ATL2: variants seen among roughly 807,000 people sequenced by gnomAD.
ATL2 encodes atlastin GTPase 2, also known as atlastin-2.
Under a neutral mutation model 73.9 loss-of-function variants are expected in ATL2, and 31 were observed. The observed-to-expected ratio is 0.42, with a 90% CI of 0.32 to 0.57. The LOEUF (loss-of-function observed/expected upper bound fraction) is 0.57. Among genes scored for constraint, ATL2 ranks in the 20% least tolerant of loss-of-function variants. ATL2 has a pLI of 0.14. For synonymous variants in ATL2, 291 were observed against 237.5 expected, an observed-to-expected ratio of 1.23 and a Z score of -2.07; for missense variants, 738 against 702.6, an observed-to-expected ratio of 1.05 and a Z score of -0.57.
chr2:38,370,827 G>GC (rs1297406931), intron 1 of ATL2, among the ~76,000 whole-genome samples: 2 of 151,734 alleles, frequency 1.3e-5, no homozygotes, highest in Admixed American at 1.3e-4. Flanking sequence ...GGTAGTGCAA[G>GC]CCTGTAGACC....
chr2:38,304,744 T>C (rs145240395), intron 9 of ATL2, among the ~76,000 whole-genome samples: 1 of 152,140 alleles, frequency 6.6e-6, no homozygotes, highest in Non-Finnish European at 1.5e-5. Context: ...AAAATAAATA[T>C]ATTATAGTTG....
chr2:38,352,334 C>T (rs2124440192), intron 1 of ATL2, among the ~76,000 whole-genome samples: 1 of 152,110 alleles, frequency 6.6e-6, no homozygotes, highest in Admixed American at 6.6e-5. Context: ...TAAAATTAGA[C>T]AAAATACATG....
At chr2:38,325,633 CACACACACACACACACACACACACCA>C (rs1558411581) in intron 2 of ATL2, among the ~76,000 whole-genome samples, 2 of 71,670 alleles carry the variant, frequency 2.8e-5, no homozygotes, top group African/African-American at 2.6e-4. Context: ...TACATACACA[CACACACACACACACACACACACACCA>C]GTACACACAC....
intron 12 of ATL2, chr2:38,296,449 C>T (rs767021488): frequency 1.9e-6 from 3 of 1,571,586 alleles, no homozygotes; most frequent in Admixed American, 1.9e-5. Context: ...TAAGTGTGAA[C>T]ACTTCAGATA....
chr2:38,337,052 T>C (rs770212480), intron 2 of ATL2, among the ~76,000 whole-genome samples: 9 of 151,924 alleles, frequency 5.9e-5, no homozygotes, highest in African/African-American at 2.2e-4. Flanking sequence ...GGAAACCCTA[T>C]AACCAACAAT....
chr2:38,341,015 C>T (rs1669682922), intron 2 of ATL2, among the ~76,000 whole-genome samples: 1 of 152,200 alleles, frequency 6.6e-6, no homozygotes, highest in Non-Finnish European at 1.5e-5. Context: ...GGCTGCTACT[C>T]CACTCTGAAC....
At chr2:38,340,759 G>C (rs1379874372) in intron 2 of ATL2, among the ~76,000 whole-genome samples, 1 of 152,126 alleles carries the variant, frequency 6.6e-6, no homozygotes, top group Non-Finnish European at 1.5e-5. Context: ...TTTAAGTGGA[G>C]GCACATTATC....
At chr2:38,336,004 A>G (rs1669339913) in intron 2 of ATL2, among the ~76,000 whole-genome samples, 1 of 152,244 alleles carries the variant, frequency 6.6e-6, no homozygotes, top group African/African-American at 2.4e-5. Context: ...CGCCACAGCG[A>G]GACTCTGTCT....
intron 1 of ATL2, among the ~76,000 whole-genome samples, chr2:38,369,846 G>A (rs998979245): frequency 6.6e-6 from 1 of 151,486 alleles, no homozygotes; most frequent in African/African-American, 2.4e-5. Flanking sequence ...AACTCCTCTC[G>A]GATTTGTCAT....
chr2:38,319,208 G>A (rs1207313885), intron 2 of ATL2, among the ~76,000 whole-genome samples, 189 bp from the exon 3 acceptor site: 3 of 152,126 alleles, frequency 2.0e-5, no homozygotes. Flanking sequence ...TTATAGAGAC[G>A]TGGTCTCCTC....
rs1667972429 is a variant in ATL2 at position 38,315,302 on chromosome 2, ATCT to A, written c.633_635del (p.Glu211del). ...TACGTACTTGCAAATGTTGAAGATC[ATCT>A]TCTTGAATATTCTGAGACAGATTAT... On this transcript the variant is annotated inframe_deletion, in exon 5 of 13. Coordinates refer to ENST00000378954, the MANE Select transcript of ATL2 (RefSeq NM_001135673.4). The A allele has an allele frequency of 6.7e-7, 1 of 1,491,736 alleles. No homozygotes were observed. The highest frequency in any genetic ancestry group is 8.8e-7 in the Non-Finnish European group (1 of 1,130,560). 92.4% of individuals were successfully genotyped at this position (1,491,736 alleles called of 1,614,324 possible). A position where few individuals can be genotyped will look rare whatever the true frequency, so the allele number is the denominator to read the frequency against.
intron 10 of ATL2, 149 bp from the exon 11 acceptor site, chr2:38,299,476 T>C: frequency 1.3e-6 from 1 of 799,458 alleles, no homozygotes; most frequent in Non-Finnish European, 1.8e-6. Flanking sequence ...CAAGGGAACG[T>C]TGGTATAAAG....
chr2:38,370,062 A>T (rs1671579624), intron 1 of ATL2, among the ~76,000 whole-genome samples: 1 of 142,090 alleles, frequency 7.0e-6, no homozygotes, highest in Non-Finnish European at 1.5e-5. Flanking sequence ...GCTCAGGCAG[A>T]AGAATGGCGT....
intron 1 of ATL2, among the ~76,000 whole-genome samples, chr2:38,360,128 CAAAA>C (rs755582696): frequency 1.7e-4 from 14 of 81,960 alleles, no homozygotes; most frequent in Non-Finnish European, 3.1e-4. Flanking sequence ...GGCTCCATTT[CAAAA>C]AAAAAAAAAA....
intron 2 of ATL2, among the ~76,000 whole-genome samples, chr2:38,337,922 T>C (rs888978764): frequency 8.5e-5 from 13 of 152,176 alleles, no homozygotes; most frequent in African/African-American, 2.4e-5. Context: ...CTATCACCAT[T>C]ACTTAGCATC....
chr2:38,296,471 T>C (rs1324661817), intron 12 of ATL2: 1 of 1,600,878 alleles, frequency 6.2e-7, no homozygotes, highest in South Asian at 1.1e-5. Flanking sequence ...AGAAAAAGGT[T>C]AAAAATACTG....
intron 2 of ATL2, among the ~76,000 whole-genome samples, chr2:38,336,639 T>C (rs903613797): frequency 2.0e-5 from 3 of 152,188 alleles, no homozygotes; most frequent in Non-Finnish European, 4.4e-5. Context: ...CCAAACATAA[T>C]TTTACATAAT....
rs570887783 is a variant in ATL2, at chr2:38,355,644, C to T, written c.119-12132G>A. Among the ~76,000 whole-genome samples the T allele has an allele frequency of 2.0e-5, 3 of 149,438 alleles. No homozygotes were observed. In the East Asian group the frequency reaches 5.8e-4, roughly 29 times the overall value. On this transcript the variant is annotated intron_variant, in intron 1 of 12. Coordinates refer to ENST00000378954, the MANE Select transcript of ATL2 (RefSeq NM_001135673.4). ...AGTAAGAAACTCAAAATACACGAAG[C>T]AAAAATTCAGAGAACTAAAAAGAAA...
rs75249264 is a variant in ATL2, at chr2:38,355,573, T to C, written c.119-12061A>G. 2.1e-3 allele frequency among the ~76,000 whole-genome samples: 315 copies of C among 152,262 alleles called. 1 individual carries two copies. Among genetic ancestry groups the C allele is most frequent in the Non-Finnish European group, 3.6e-3 (246 of 68,026 alleles). On this transcript the variant is annotated intron_variant, in intron 1 of 12. Transcript: ENST00000378954. ...AAAGCTGGCTTCAAGACTAAAAGCA[T>C]ACCACATATAAAATGTGTACTCATC...
Sources: allele counts gnomAD v4.1 joint callset (sites outside exome capture counted in the v4.1 genomes callset), GRCh38; gene constraint gnomAD v4.1.1; transcripts MANE v1.5; gene names NCBI Gene and HGNC (gene_info 2026-07-23, HGNC 2026-07-21).